Variants in SLC35D4 observed in about 807,000 individuals in gnomAD.
The protein encoded by SLC35D4 is solute carrier family 35 member D4.
At chr18:23,277,427 T>C in the SLC35D4 span, among the ~76,000 whole-genome samples, 1 of 152,348 alleles carries the variant, frequency 6.6e-6, no homozygotes, top group Admixed American at 6.5e-5. Context: ...TGTGGAACTG[T>C]AAGTCCAATT....
At chr18:23,262,559 T>C in the SLC35D4 span, among the ~76,000 whole-genome samples, 1 of 152,270 alleles carries the variant, frequency 6.6e-6, no homozygotes, top group South Asian at 2.1e-4. Flanking sequence ...CACTGGGTTC[T>C]GTGGGCTTCC....
the SLC35D4 span, among the ~76,000 whole-genome samples, chr18:23,245,722 C>T: frequency 6.6e-6 from 1 of 152,230 alleles, no homozygotes; most frequent in South Asian, 2.1e-4. Context: ...GTGGACAGTG[C>T]CTTCCATCTG....
chr18:23,296,712 C>T, the SLC35D4 span: 1 of 151,454 alleles, frequency 6.6e-6, no homozygotes, highest in Non-Finnish European at 1.5e-5. Flanking sequence ...GGATTAAAAG[C>T]TTTAAGAAAT....
At chr18:23,264,514 C>T in the SLC35D4 span, among the ~76,000 whole-genome samples, 1 of 152,094 alleles carries the variant, frequency 6.6e-6, no homozygotes, top group Non-Finnish European at 1.5e-5. Flanking sequence ...AGGCGCGCGC[C>T]ACTACGCCCG....
the SLC35D4 span, among the ~76,000 whole-genome samples, chr18:23,376,547 G>A: frequency 6.6e-6 from 1 of 152,250 alleles, no homozygotes. Flanking sequence ...AAGGCAAACA[G>A]TGGGGTGAGT....
chr18:23,399,498 C>A, the SLC35D4 span: 10 of 1,382,378 alleles, frequency 7.2e-6, no homozygotes, highest in East Asian at 1.1e-4. Flanking sequence ...TGAGCTGAGG[C>A]ATGATAAGTT....
At chr18:23,296,214 C>T in the SLC35D4 span, 1 of 151,856 alleles carries the variant, frequency 6.6e-6, no homozygotes, top group Non-Finnish European at 1.5e-5. Flanking sequence ...GCACATTCTG[C>T]ACGTGTACCC....
At chr18:23,285,373 G>A in the SLC35D4 span, among the ~76,000 whole-genome samples, 22 of 151,680 alleles carry the variant, frequency 1.5e-4, no homozygotes, top group Admixed American at 7.9e-4. Context: ...TTCAACTCTC[G>A]CCTGACCTAA....
chr18:23,312,233 CT>C, the SLC35D4 span, among the ~76,000 whole-genome samples: 1 of 152,182 alleles, frequency 6.6e-6, no homozygotes, highest in Non-Finnish European at 1.5e-5. Flanking sequence ...GCCTCTGCTC[CT>C]CCGTGAGCCT....
the SLC35D4 span, among the ~76,000 whole-genome samples, chr18:23,420,101 C>G: frequency 2.6e-5 from 4 of 151,994 alleles, no homozygotes; most frequent in Non-Finnish European, 5.9e-5. Flanking sequence ...GTCGGGAGTT[C>G]AAGACCAGCC....
the SLC35D4 span, chr18:23,370,108 G>A: frequency 1.1e-6 from 1 of 869,592 alleles, no homozygotes; most frequent in East Asian, 2.9e-5. Flanking sequence ...GAACCCGGGG[G>A]GTGGAGGGTG....
the SLC35D4 span, among the ~76,000 whole-genome samples, chr18:23,360,482 T>A: frequency 2.0e-5 from 3 of 152,122 alleles, no homozygotes; most frequent in African/African-American, 7.2e-5. Context: ...CGCAACAACA[T>A]GAATGAATCT....
chr18:23,358,404 A>G, the SLC35D4 span, among the ~76,000 whole-genome samples: 1 of 152,020 alleles, frequency 6.6e-6, no homozygotes, highest in African/African-American at 2.4e-5. Flanking sequence ...GGGTCTAAAG[A>G]GCAGAAGTGT....
chr18:23,299,289 T>A, the SLC35D4 span, among the ~76,000 whole-genome samples: 1 of 152,312 alleles, frequency 6.6e-6, no homozygotes, highest in Non-Finnish European at 1.5e-5. Flanking sequence ...TAGCCTATGA[T>A]GGACAATCAC....
At chr18:23,414,598 C>T in the SLC35D4 span, among the ~76,000 whole-genome samples, 3 of 151,146 alleles carry the variant, frequency 2.0e-5, no homozygotes, top group Admixed American at 6.6e-5. Context: ...GCTTGAACCC[C>T]GCAGGCAGAG....
At chr18:23,355,592 CT>C in the SLC35D4 span, among the ~76,000 whole-genome samples, 259 of 141,546 alleles carry the variant, frequency 1.8e-3, no homozygotes, top group Non-Finnish European at 1.6e-3. Context: ...CTCTGTAATT[CT>C]TTTTTTTTTT....
chr18:23,253,816 G>A, the SLC35D4 span: 1 of 1,614,238 alleles, frequency 6.2e-7, no homozygotes, highest in South Asian at 1.1e-5. Context: ...ACTTTGAAAA[G>A]CTCGCCCTCA....
chr18:23,312,351 C>A, the SLC35D4 span, among the ~76,000 whole-genome samples: 1 of 152,140 alleles, frequency 6.6e-6, no homozygotes, highest in Non-Finnish European at 1.5e-5. Flanking sequence ...AATTTTAAAC[C>A]AGCCCTTACT....
At chr18:23,325,810 C>T in the SLC35D4 span, among the ~76,000 whole-genome samples, 2 of 152,130 alleles carry the variant, frequency 1.3e-5, no homozygotes, top group African/African-American at 2.4e-5. Flanking sequence ...ACAAAAGGAA[C>T]GTCAGCTGCT....
Sources: allele counts gnomAD v4.1 joint callset (sites outside exome capture counted in the v4.1 genomes callset), GRCh38; gene constraint gnomAD v4.1.1; transcripts MANE v1.5; gene names NCBI Gene and HGNC (gene_info 2026-07-23, HGNC 2026-07-21).